Variants in FECH observed in about 807,000 individuals in gnomAD.
FECH encodes ferrochelatase, mitochondrial.
A neutral mutation model predicts 56.9 loss-of-function variants in FECH; 40 were observed. That is an observed-to-expected ratio of 0.70 (90% confidence interval 0.55 to 0.92). The LOEUF (loss-of-function observed/expected upper bound fraction) is 0.92. FECH is among the 40% of genes least tolerant of loss of function. The pLI is 0.00. For synonymous variants in FECH, 175 were observed against 198.6 expected (o/e 0.88, Z 1.00); for missense variants, 431 against 529.1 (o/e 0.81, Z 1.82).
At chr18:57,566,953 C>T (rs993773821) in intron 4 of FECH, among the ~76,000 whole-genome samples, 2 of 151,846 alleles carry the variant, frequency 1.3e-5, no homozygotes, top group Non-Finnish European at 2.9e-5. Flanking sequence ...ACTATGGTAG[C>T]CACTGGGCAT....
intron 3 of FECH, among the ~76,000 whole-genome samples, chr18:57,572,652 T>C (rs1272276301): frequency 6.7e-6 from 1 of 148,874 alleles, no homozygotes; most frequent in African/African-American, 2.5e-5. Flanking sequence ...TGTATGTGTA[T>C]GCTTGGATAT....
intron 4 of FECH, among the ~76,000 whole-genome samples, chr18:57,567,342 C>A (rs1442204668): frequency 1.3e-5 from 2 of 152,222 alleles, no homozygotes; most frequent in Admixed American, 6.5e-5. Flanking sequence ...TGTATATCCT[C>A]ATGTTCTTTC....
At chr18:57,583,359 CCAGAGAGATCTGAGCAGAAATCCCA>C (rs1394728698) in intron 1 of FECH, among the ~76,000 whole-genome samples, 1 of 152,190 alleles carries the variant, frequency 6.6e-6, no homozygotes. Context: ...TGTTCGGAAA[CCAGAGAGATCTGAGCAGAAATCCCA>C]CACGGGACCA....
intron 6 of FECH, among the ~76,000 whole-genome samples, chr18:57,561,836 T>C (rs1444477772): frequency 1.3e-5 from 2 of 152,212 alleles, no homozygotes; most frequent in African/African-American, 2.4e-5. Flanking sequence ...CTTCAGGCAG[T>C]ACTGGCTGGA....
At chr18:57,551,191 A>G in intron 10 of FECH, 124 bp downstream of exon 10, 1 of 779,114 alleles carries the variant, frequency 1.3e-6, no homozygotes, top group Non-Finnish European at 2.1e-6. Flanking sequence ...ATTCGATTTT[A>G]TTTTTGTAAT....
intron 1 of FECH, among the ~76,000 whole-genome samples, chr18:57,582,696 G>A (rs181520859): frequency 7.3e-4 from 110 of 150,902 alleles, no homozygotes; most frequent in African/African-American, 2.4e-3. Flanking sequence ...GGTGGATCAC[G>A]AGGTCAGGAG....
rs1411343094 is a variant in FECH at position 57,549,020 on chromosome 18, C to T, written c.*1692G>A. 2 of 152,118 alleles carry T rather than the reference C, an allele frequency of 1.3e-5. No homozygotes were observed. The highest frequency in any genetic ancestry group is 2.4e-5 in the African/African-American group (1 of 41,424). The allele number at this position is 152,118 out of a possible 1,614,324, so 9.4% of individuals were successfully genotyped here. Reference sequence around the variant, plus strand: ...CCACCAGCTCAGAGAATTCACTTCACGGTGGGACGGTCACTCAAAGTCTAC... The same window carrying T: ...CCACCAGCTCAGAGAATTCACTTCATGGTGGGACGGTCACTCAAAGTCTAC... On this transcript the variant is annotated 3_prime_UTR_variant, in exon 11 of 11. Transcript: ENST00000262093.
At chr18:57,571,104 G>A (rs1033367511) in intron 4 of FECH, among the ~76,000 whole-genome samples, 25 of 152,164 alleles carry the variant, frequency 1.6e-4, no homozygotes, top group African/African-American at 5.8e-4. Flanking sequence ...ATGGTATGTT[G>A]CTTATGCCTT....
chr18:57,562,293 G>A (rs1226933234), intron 6 of FECH, among the ~76,000 whole-genome samples: 3 of 152,050 alleles, frequency 2.0e-5, no homozygotes, highest in Admixed American at 6.5e-5. Context: ...TCAGTTCAAA[G>A]CTATTAACTT....
At position 57,580,057 on chromosome 18, in the gene FECH, G is replaced by A; in HGVS notation, c.194+16C>T. 2 of 1,613,888 alleles carry A rather than the reference G, an allele frequency of 1.2e-6. No homozygotes were observed. The highest frequency in any genetic ancestry group is 1.7e-6 in the Non-Finnish European group (2 of 1,180,014). The stretch of plus-strand genomic sequence containing the variant: ...TAAAGAGAAATTCTTATTTGTACCT[G>A]ATGTTAGACTCATACCTCTTCTGCG... On this transcript the variant is annotated intron_variant, in intron 2 of 10. Coordinates refer to ENST00000262093, the MANE Select transcript of FECH (RefSeq NM_000140.5).
chr18:57,566,617 A>G (rs1568148703), intron 4 of FECH, 36 bp from the exon 5 acceptor site: 7 of 1,612,034 alleles, frequency 4.3e-6, no homozygotes, highest in Non-Finnish European at 5.1e-6. Flanking sequence ...AGAAAGTGTT[A>G]ATCCTTATAT....
At chr18:57,562,838 G>A (rs770214668) in intron 6 of FECH, 36 bp downstream of exon 6, 2 of 1,527,226 alleles carry the variant, frequency 1.3e-6, no homozygotes, top group South Asian at 2.2e-5. Context: ...CACACTAGAT[G>A]CTGGGGTGAC....
intron 9 of FECH, among the ~76,000 whole-genome samples, chr18:57,551,968 C>T (rs1156414690): frequency 8.6e-5 from 13 of 151,462 alleles, no homozygotes; most frequent in Non-Finnish European, 1.6e-4. Flanking sequence ...ACTGCAACCT[C>T]TGCGTCCCGG....
At chr18:57,565,118 C>A (rs1327391610) in intron 5 of FECH, among the ~76,000 whole-genome samples, 2 of 152,204 alleles carry the variant, frequency 1.3e-5, no homozygotes, top group East Asian at 3.8e-4. Context: ...GAAATAAAAA[C>A]CATAGTCAAT....
At chr18:57,558,387 T>C (rs1001526579) in intron 7 of FECH, among the ~76,000 whole-genome samples, 3 of 152,230 alleles carry the variant, frequency 2.0e-5, no homozygotes, top group Non-Finnish European at 2.9e-5. Context: ...AGATCCCAAC[T>C]TGATCCTCTA....
chr18:57,560,729 T>C (rs1444380044), intron 6 of FECH, among the ~76,000 whole-genome samples: 2 of 152,356 alleles, frequency 1.3e-5, no homozygotes, highest in East Asian at 3.9e-4. Context: ...GTAACTTTTC[T>C]GCATATCTAA....
Position 57,559,248 on chromosome 18 carries a change from G to T in FECH, c.706-5C>A. ...TAGAATATGATCTGCAAAGCACTGA[G>T]TGAGTAACAAGAAAGGAGGATAAAG... On this transcript the variant is annotated splice_polypyrimidine_tract_variant and splice_region_variant and intron_variant, in intron 6 of 10. Transcript: ENST00000262093. 1 of 1,583,876 alleles carries T rather than the reference G, an allele frequency of 6.3e-7. No individual in the cohort carries two copies.
Position 57,566,549 on chromosome 18 carries a change from C to G in FECH, c.496G>C (p.Val166Leu). Residue 166 changes from valine to leucine, a missense_variant, in exon 5 of 11, where the codon GTC becomes CTC. By Grantham distance (32) the Val-to-Leu change is conservative. Coordinates refer to ENST00000262093, the MANE Select transcript of FECH (RefSeq NM_000140.5). ...PHKYYIGFRY[V>L]HPLTEEAIEE... is the part of the protein sequence containing the mutation. ...ATTGCTTCTTCTGTTAAAGGATGGA[C>G]GTACCGAAATCCAATATAGTATTTG... 2 of 1,614,098 alleles carry G rather than the reference C, an allele frequency of 1.2e-6. No homozygotes were observed. Among genetic ancestry groups the G allele is most frequent in the East Asian group, 4.5e-5 (2 of 44,886 alleles).
rs181756785 is a variant in FECH at position 57,555,466 on chromosome 18, T to C, written c.805-514A>G. On this transcript the variant is annotated intron_variant, in intron 7 of 10. Transcript: ENST00000262093. ...TACAGGCACCTCCAAGAGTGTGACC[T>C]GCACCTTCCACTTCCTCTCTCCCCA... 2.3e-4 allele frequency among the ~76,000 whole-genome samples: 35 copies of C among 152,290 alleles called. No individual in the cohort carries two copies. The East Asian group carries it at 5.6e-3, about 24-fold the overall frequency.
Sources: allele counts gnomAD v4.1 joint callset (sites outside exome capture counted in the v4.1 genomes callset), GRCh38; gene constraint gnomAD v4.1.1; transcripts MANE v1.5; gene names NCBI Gene and HGNC (gene_info 2026-07-23, HGNC 2026-07-21).